Variants in VCF1 observed in about 807,000 individuals in gnomAD.
VCF1 encodes the protein VCP nuclear cofactor family member 1, also known as protein VCF1.
the VCF1 span, among the ~76,000 whole-genome samples, chr17:73,230,552 G>C: frequency 0.51 from 77,706 of 151,852 alleles, 19,981 homozygotes; most frequent in East Asian, 0.58. Context: ...CCACCACCAG[G>C]CCCAACTAAT....
At chr17:73,212,891 A>T in the VCF1 span, among the ~76,000 whole-genome samples, 2 of 152,220 alleles carry the variant, frequency 1.3e-5, no homozygotes, top group African/African-American at 4.8e-5. Context: ...ATTTCTGTAC[A>T]TAATTTTTTT....
At chr17:73,225,702 G>A in the VCF1 span, among the ~76,000 whole-genome samples, 1 of 151,390 alleles carries the variant, frequency 6.6e-6, no homozygotes, top group East Asian at 1.9e-4. Context: ...TCAAAAGAAT[G>A]GAAACTCAAT....
the VCF1 span, among the ~76,000 whole-genome samples, chr17:73,225,866 A>AT: frequency 2.4e-5 from 3 of 125,760 alleles, no homozygotes; most frequent in African/African-American, 9.6e-5. Context: ...AATAGGAAAA[A>AT]AATATATATA....
the VCF1 span, chr17:73,209,876 T>C: frequency 6.8e-7 from 1 of 1,470,734 alleles, no homozygotes; most frequent in Non-Finnish European, 9.0e-7. Flanking sequence ...CCAGTTCAGC[T>C]TGAGGATGAA....
At chr17:73,209,446 T>C in the VCF1 span, 21 of 1,491,850 alleles carry the variant, frequency 1.4e-5, no homozygotes, top group Non-Finnish European at 1.8e-5. Flanking sequence ...GTGTGCAATT[T>C]TTCTTTTAAA....
At chr17:73,209,798 C>A in the VCF1 span, 1 of 1,536,990 alleles carries the variant, frequency 6.5e-7, no homozygotes, top group Non-Finnish European at 8.7e-7. Flanking sequence ...AACAGGGTCA[C>A]AATAAGGCTG....
chr17:73,225,007 CAGCATAGGAT>C, the VCF1 span, among the ~76,000 whole-genome samples: 2 of 48,018 alleles, frequency 4.2e-5, no homozygotes, highest in East Asian at 7.4e-4. Flanking sequence ...CAGGACAGGA[CAGCATAGGAT>C]AGGACAGGAC....
At chr17:73,221,554 G>A in the VCF1 span, among the ~76,000 whole-genome samples, 1 of 152,136 alleles carries the variant, frequency 6.6e-6, no homozygotes, top group Non-Finnish European at 1.5e-5. Flanking sequence ...GCCTGAGATA[G>A]ATGTTAACTA....
chr17:73,221,268 C>T, the VCF1 span, among the ~76,000 whole-genome samples: 2 of 151,406 alleles, frequency 1.3e-5, 1 homozygote, highest in African/African-American at 4.9e-5. Flanking sequence ...AGTAGAAGCA[C>T]TTTTTACAAG....
the VCF1 span, chr17:73,207,444 G>T: frequency 1.4e-6 from 1 of 712,226 alleles, no homozygotes; most frequent in Non-Finnish European, 2.5e-6. Context: ...AGGTGTAAAA[G>T]ATGCCCGCTG....
chr17:73,222,301 G>A, the VCF1 span, among the ~76,000 whole-genome samples: 1 of 151,020 alleles, frequency 6.6e-6, no homozygotes, highest in South Asian at 2.1e-4. Context: ...AAAATTCAAA[G>A]TCTTCAATTC....
At chr17:73,210,335 T>C in the VCF1 span, among the ~76,000 whole-genome samples, 1 of 152,140 alleles carries the variant, frequency 6.6e-6, no homozygotes, top group African/African-American at 2.4e-5. Flanking sequence ...GGTCAAGTTA[T>C]CTTATGTTGG....
the VCF1 span, chr17:73,208,836 ACT>A: frequency 6.1e-6 from 2 of 329,416 alleles, no homozygotes; most frequent in South Asian, 5.1e-5. Context: ...TGAGGTGCAG[ACT>A]CTGGTGGAAT....
At chr17:73,214,461 G>C in the VCF1 span, among the ~76,000 whole-genome samples, 1 of 152,184 alleles carries the variant, frequency 6.6e-6, no homozygotes, top group South Asian at 2.1e-4. Flanking sequence ...ATTTTTTGAA[G>C]TTACTGTAGT....
chr17:73,208,086 T>C, the VCF1 span: 2 of 1,426,538 alleles, frequency 1.4e-6, no homozygotes, highest in Non-Finnish European at 9.2e-7. Flanking sequence ...GTCTACCCTT[T>C]TCCCAAGACA....
At chr17:73,231,741 T>C in the VCF1 span, among the ~76,000 whole-genome samples, 1 of 151,994 alleles carries the variant, frequency 6.6e-6, no homozygotes, top group African/African-American at 2.4e-5. Context: ...AGATGAGACG[T>C]TTATCCCATC....
At chr17:73,229,946 C>T in the VCF1 span, among the ~76,000 whole-genome samples, 10 of 145,062 alleles carry the variant, frequency 6.9e-5, no homozygotes, top group Non-Finnish European at 1.2e-4. Flanking sequence ...TAACAGAACT[C>T]TTTCTTTCTT....
chr17:73,207,599 G>T, the VCF1 span: 1 of 912,070 alleles, frequency 1.1e-6, no homozygotes. Flanking sequence ...GTTTTGTTCT[G>T]GTGATGATGG....
chr17:73,212,568 A>G, the VCF1 span: 1 of 764,268 alleles, frequency 1.3e-6, no homozygotes, highest in Non-Finnish European at 2.0e-6. Context: ...CAAAAATTGT[A>G]TTCTACAAAG....
Sources: gnomAD v4.1 joint callset for allele counts (sites outside exome capture counted in the v4.1 genomes callset) on GRCh38, gnomAD v4.1.1 for gene constraint, MANE v1.5 for transcripts, NCBI Gene and HGNC (gene_info 2026-07-23, HGNC 2026-07-21) for gene names.